Variants in CNTNAP3 observed in about 807,000 individuals in gnomAD.
CNTNAP3 encodes contactin-associated protein-like 3.
In CNTNAP3, 36 loss-of-function variants were observed where a neutral mutation model predicts 92.1. That is an observed-to-expected ratio of 0.39 (90% CI 0.30 to 0.52). The LOEUF (loss-of-function observed/expected upper bound fraction) is 0.52, where lower values mean the gene tolerates loss of function less well. Ranked by LOEUF, CNTNAP3 falls within the 20% of genes least tolerant of loss-of-function variation. The probability of loss-of-function intolerance (pLI) is 0.76; values close to 1 mark genes in which losing one functional copy is unlikely to be tolerated. For synonymous variants in CNTNAP3, 232 were observed against 422.3 expected (o/e 0.55, Z 5.53); for missense variants, 534 against 1,069.6 (o/e 0.50, Z 6.98).
At chr9:39,085,112 C>T (rs1826036688) in intron 21 of CNTNAP3, 1 of 145,906 alleles carries the variant, frequency 6.9e-6, no homozygotes, top group South Asian at 2.2e-4. Flanking sequence ...TTACTTTCCT[C>T]AGTTCCTTTA....
In CNTNAP3 at chr9:39,099,904, CACTT is replaced by C. The variant is rs1826413901; in HGVS notation, c.2995+3_2995+6del. The C allele has an allele frequency of 6.2e-7, 1 of 1,610,626 alleles. No individual in the cohort carries two copies. The highest frequency in any genetic ancestry group is 1.3e-5 in the African/African-American group (1 of 74,840). On this transcript the variant is annotated splice_donor_5th_base_variant and intron_variant, in intron 18 of 23. Coordinates refer to ENST00000297668, the MANE Select transcript of CNTNAP3 (RefSeq NM_033655.5). ...TTCCCTATAACCTGCTCCTTGGTCA[CACTT>C]ACCATTGGAGCAGAACGGCCCATCA...
intron 18 of CNTNAP3, among the ~76,000 whole-genome samples, chr9:39,089,925 T>C (rs1826151447): frequency 6.6e-6 from 1 of 151,976 alleles, no homozygotes; most frequent in Admixed American, 6.6e-5. Flanking sequence ...TCTTATTCAG[T>C]TGTTGGTTTT....
At chr9:39,103,991 G>C (rs1826532539) in intron 15 of CNTNAP3, 77 bp from the exon 16 acceptor site, 1 of 1,501,316 alleles carries the variant, frequency 6.7e-7, no homozygotes, top group Non-Finnish European at 8.9e-7. Flanking sequence ...ATACTTACAG[G>C]ATTATGACTG....
intron 23 of CNTNAP3, among the ~76,000 whole-genome samples, chr9:39,074,686 T>TA (rs1825706481): frequency 6.6e-6 from 1 of 152,224 alleles, no homozygotes; most frequent in Non-Finnish European, 1.5e-5. Flanking sequence ...GTTTGCATCA[T>TA]CATAGATCAT....
At chr9:39,082,579 T>C (rs1825972486) in intron 21 of CNTNAP3, among the ~76,000 whole-genome samples, 1 of 152,304 alleles carries the variant, frequency 6.6e-6, no homozygotes, top group Non-Finnish European at 1.5e-5. Context: ...TCCTCATGCT[T>C]TGCTGGGTTT....
chr9:39,144,447 A>G (rs2104783), intron 10 of CNTNAP3, 101 bp from the exon 11 acceptor site: 1 of 1,490,156 alleles, frequency 6.7e-7, no homozygotes, highest in Middle Eastern at 2.5e-4. Context: ...AATGTGAAAG[A>G]GCAGCATATG....
At chr9:39,131,952 C>G (rs1323958176) in intron 13 of CNTNAP3, among the ~76,000 whole-genome samples, 1 of 151,440 alleles carries the variant, frequency 6.6e-6, no homozygotes. Flanking sequence ...CACTTTCCAA[C>G]TTAAAGATTT....
chr9:39,134,101 C>T (rs1434598588), intron 12 of CNTNAP3, among the ~76,000 whole-genome samples: 1 of 152,106 alleles, frequency 6.6e-6, no homozygotes, highest in Non-Finnish European at 1.5e-5. Flanking sequence ...GCTAACTGTG[C>T]GTAAGACAAA....
chr9:39,090,636 T>C (rs1826172720), intron 18 of CNTNAP3, among the ~76,000 whole-genome samples: 2 of 152,312 alleles, frequency 1.3e-5, no homozygotes, highest in Admixed American at 1.3e-4. Context: ...AATTGGGCAG[T>C]GTGAATCTAT....
intron 18 of CNTNAP3, among the ~76,000 whole-genome samples, chr9:39,091,957 A>G (rs1826214631): frequency 6.6e-6 from 1 of 151,738 alleles, no homozygotes. Context: ...AAACAGAAGT[A>G]GTAGTTTGTG....
intron 10 of CNTNAP3, among the ~76,000 whole-genome samples, chr9:39,147,047 C>T (rs1243096014): frequency 1.3e-5 from 2 of 152,082 alleles, no homozygotes; most frequent in Non-Finnish European, 2.9e-5. Context: ...ATAAGTCTCA[C>T]GAGAGCTGAT....
intron 15 of CNTNAP3, among the ~76,000 whole-genome samples, chr9:39,104,455 C>A (rs1010355606): frequency 2.0e-5 from 3 of 148,946 alleles, no homozygotes; most frequent in Non-Finnish European, 4.4e-5. Flanking sequence ...CAGACTCTTG[C>A]TTTCCTTCCT....
intron 18 of CNTNAP3, among the ~76,000 whole-genome samples, chr9:39,099,012 C>T (rs2315478): frequency 2.6e-5 from 4 of 151,538 alleles, no homozygotes; most frequent in South Asian, 2.1e-4. Context: ...TCTCACTCTG[C>T]CGCCCAGGAG....
intron 15 of CNTNAP3, among the ~76,000 whole-genome samples, chr9:39,107,599 G>A (rs1031158023): frequency 3.3e-5 from 5 of 152,130 alleles, no homozygotes; most frequent in African/African-American, 4.8e-5. Flanking sequence ...AAATCACAGA[G>A]GTAACAGATA....
chr9:39,132,048 G>A (rs1163844585), intron 13 of CNTNAP3, among the ~76,000 whole-genome samples: 2 of 152,000 alleles, frequency 1.3e-5, no homozygotes, highest in South Asian at 4.1e-4. Context: ...TTAAGACAAG[G>A]TGTTGCTCTG....
At chr9:39,087,610 C>A (rs1409660885) in intron 19 of CNTNAP3, among the ~76,000 whole-genome samples, 2 of 152,148 alleles carry the variant, frequency 1.3e-5, no homozygotes, top group Non-Finnish European at 2.9e-5. Flanking sequence ...CCTCAGCCTC[C>A]CGAGTAGCTG....
In CNTNAP3 at chr9:39,068,083, G is replaced by A. The variant is rs1194129167; in HGVS notation, c.*5807C>T. 6.6e-6 allele frequency among the ~76,000 whole-genome samples: 1 copy of A among 152,312 alleles called. No homozygotes were observed. The highest frequency in any genetic ancestry group is 1.5e-5 in the Non-Finnish European group (1 of 68,058). ...GCCCAGATATACGTATAGTACTAAA[G>A]AGATATGCAGTGCATGTGCGATATT... On this transcript the variant is annotated 3_prime_UTR_variant, in exon 24 of 24. Transcript: ENST00000297668.
chr9:39,114,690 C>T (rs1451927191), intron 14 of CNTNAP3, among the ~76,000 whole-genome samples: 1 of 151,992 alleles, frequency 6.6e-6, no homozygotes, highest in Non-Finnish European at 1.5e-5. Context: ...AGAGTTTACT[C>T]ATATTTATTA....
intron 10 of CNTNAP3, among the ~76,000 whole-genome samples, chr9:39,148,266 T>A (rs1343812167): frequency 6.6e-6 from 1 of 152,174 alleles, no homozygotes; most frequent in Non-Finnish European, 1.5e-5. Flanking sequence ...CATCTTTGAA[T>A]TAATTCATTT....
Sources: gnomAD v4.1 joint callset for allele counts (sites outside exome capture counted in the v4.1 genomes callset) on GRCh38, gnomAD v4.1.1 for gene constraint, MANE v1.5 for transcripts, NCBI Gene and HGNC (gene_info 2026-07-23, HGNC 2026-07-21) for gene names.